The following MYO1H variants were observed in gnomAD, a reference collection of about 807,000 sequenced individuals.
MYO1H encodes the protein unconventional myosin-Ih.
Under a neutral mutation model 149.3 loss-of-function variants are expected in MYO1H, and 118 were observed. The ratio of observed to expected loss-of-function variants is 0.79; its 90% confidence interval spans 0.68 to 0.92. The LOEUF is 0.92. Ranked by LOEUF, MYO1H falls within the 40% of genes least tolerant of loss-of-function variation. The pLI, the probability that MYO1H is intolerant of heterozygous loss-of-function variation, is 0.00. For synonymous variants in MYO1H, 447 were observed against 465.2 expected (o/e 0.96, Z 0.50); for missense variants, 1,212 against 1,280.7 (o/e 0.95, Z 0.82).
intron 5 of MYO1H, among the ~76,000 whole-genome samples, chr12:109,400,803 C>T (rs1870128745): frequency 6.6e-6 from 1 of 152,150 alleles, no homozygotes; most frequent in African/African-American, 2.4e-5. Flanking sequence ...TTGACCACTA[C>T]CCCTCTGCAT....
At chr12:109,410,237 G>A (rs75460162) in intron 12 of MYO1H, among the ~76,000 whole-genome samples, 169 bp downstream of exon 12, 2,299 of 152,114 alleles carry the variant, frequency 0.015, 64 homozygotes, top group African/African-American at 0.053. Flanking sequence ...CACCTCCTGG[G>A]CTCGAGTGAT....
exon 3 of MYO1H, chr12:109,393,382 A>T: frequency 6.3e-7 from 1 of 1,589,282 alleles, no homozygotes; most frequent in Non-Finnish European, 8.6e-7. Context: ...GGAGCTCGGA[A>T]TCTACACTGT....
chr12:109,389,902 TC>T (rs1347962600), intron 2 of MYO1H, among the ~76,000 whole-genome samples: 6 of 152,206 alleles, frequency 3.9e-5, no homozygotes, highest in Admixed American at 3.9e-4. Flanking sequence ...ACAAGGTGTT[TC>T]TTAGAGTACA....
chr12:109,442,321 C>T, intron 27 of MYO1H, 49 bp downstream of exon 27: 1 of 1,549,642 alleles, frequency 6.5e-7, no homozygotes, highest in Non-Finnish European at 8.9e-7. Flanking sequence ...CTCATCGAGT[C>T]TAAGAGCAGG....
intron 1 of MYO1H, among the ~76,000 whole-genome samples, chr12:109,360,329 G>A (rs1043262038): frequency 6.6e-6 from 1 of 152,106 alleles, no homozygotes; most frequent in Non-Finnish European, 1.5e-5. Context: ...ATTAATGGGA[G>A]TTTCTGGTGC....
chr12:109,439,738 C>T (rs1472795661), exon 24 of MYO1H: 2 of 1,613,832 alleles, frequency 1.2e-6, no homozygotes, highest in Non-Finnish European at 1.7e-6. Flanking sequence ...TATCACCTTC[C>T]AAAGACTGTC....
intron 19 of MYO1H, among the ~76,000 whole-genome samples, chr12:109,428,444 G>T (rs906366883): frequency 1.3e-5 from 2 of 152,124 alleles, no homozygotes; most frequent in Non-Finnish European, 2.9e-5. Flanking sequence ...TGGGATCAGG[G>T]AGTTTGTAAA....
At chr12:109,444,144 A>C in intron 28 of MYO1H, 69 bp from the exon 29 acceptor site, 6 of 1,192,450 alleles carry the variant, frequency 5.0e-6, no homozygotes, top group East Asian at 2.3e-5. Context: ...CCCTGGGCGT[A>C]TCTCTTCTTC....
At chr12:109,427,170 G>T (rs1592812366) in intron 18 of MYO1H, among the ~76,000 whole-genome samples, 1 of 152,082 alleles carries the variant, frequency 6.6e-6, no homozygotes, top group African/African-American at 2.4e-5. Context: ...ACAAAAATTA[G>T]CCAGGCATGG....
intron 1 of MYO1H, among the ~76,000 whole-genome samples, chr12:109,378,983 T>C (rs1869144703): frequency 6.6e-6 from 1 of 152,226 alleles, no homozygotes; most frequent in Admixed American, 6.5e-5. Context: ...ACAGCATTGT[T>C]TAATGTCTTT....
chr12:109,322,944 T>C, the MYO1H span, among the ~76,000 whole-genome samples: 1 of 150,562 alleles, frequency 6.6e-6, no homozygotes, highest in East Asian at 2.0e-4. Context: ...CCATCTCTAC[T>C]AAAAATACAA....
Position 109,416,383 on chromosome 12 carries a change from T to G in MYO1H, c.1597+763T>G, listed in dbSNP as rs527258124. ...TAGATTTGACTGTTGTTGTTGGTTTTTTTTTTTTTGACATTTTTTATAACT... is the reference window on the plus strand; with the variant it reads ...TAGATTTGACTGTTGTTGTTGGTTTGTTTTTTTTTGACATTTTTTATAACT... On this transcript the variant is annotated intron_variant, in intron 15 of 31. Coordinates refer to ENST00000310903, the Ensembl canonical transcript of MYO1H. Among the ~76,000 whole-genome samples the G allele has an allele frequency of 6.6e-4, 100 of 151,908 alleles. 1 individual carries two copies. The highest frequency in any genetic ancestry group is 1.5e-3 in the Admixed American group (23 of 15,242).
At chr12:109,409,234 CTTCTTCTTCTTCT>C (rs1870539860) in intron 10 of MYO1H, among the ~76,000 whole-genome samples, 1 of 96,910 alleles carries the variant, frequency 1.0e-5, no homozygotes, top group East Asian at 2.5e-4. Flanking sequence ...TTTTCTTCTT[CTTCTTCTTCTTCT>C]TTTTTTTTTT....
intron 24 of MYO1H, 85 bp from the exon 25 acceptor site, chr12:109,440,659 G>GT (rs1183860241): frequency 1.0e-6 from 1 of 981,784 alleles, no homozygotes; most frequent in South Asian, 1.4e-5. Context: ...ATTCAGCAGT[G>GT]TTTTTTTAAA....
the MYO1H span, among the ~76,000 whole-genome samples, chr12:109,333,900 A>G: frequency 1.3e-5 from 2 of 152,106 alleles, no homozygotes; most frequent in Non-Finnish European, 2.9e-5. Context: ...ACCCAGGGAA[A>G]TTTCATTGAT....
At chr12:109,413,139 A>AT (rs58457524) in intron 14 of MYO1H, among the ~76,000 whole-genome samples, 8,395 of 151,858 alleles carry the variant, frequency 0.055, 743 homozygotes, top group African/African-American at 0.19. Context: ...ACGCCTGGCT[A>AT]TTTTTTTGTA....
intron 7 of MYO1H, among the ~76,000 whole-genome samples, chr12:109,404,354 C>G (rs954080357): frequency 1.3e-5 from 2 of 152,144 alleles, no homozygotes; most frequent in African/African-American, 4.8e-5. Flanking sequence ...CGGTGGCAGG[C>G]ACCTGTAATC....
intron 19 of MYO1H, among the ~76,000 whole-genome samples, chr12:109,432,648 C>T (rs1334728429): frequency 2.6e-5 from 4 of 152,158 alleles, no homozygotes; most frequent in South Asian, 4.1e-4. Context: ...CTGGGTTGAG[C>T]GTCTGATGAT....
At chr12:109,335,368 G>A in the MYO1H span, among the ~76,000 whole-genome samples, 3 of 152,072 alleles carry the variant, frequency 2.0e-5, no homozygotes, top group Admixed American at 1.3e-4. Flanking sequence ...GAACTATCGT[G>A]ATGACAGCAC....
Sources: allele counts gnomAD v4.1 joint callset (sites outside exome capture counted in the v4.1 genomes callset), GRCh38; gene constraint gnomAD v4.1.1; transcripts MANE v1.5; gene names NCBI Gene and HGNC (gene_info 2026-07-23, HGNC 2026-07-21).